The following KIF3C variants were observed in gnomAD, a reference collection of about 807,000 sequenced individuals.
The protein encoded by KIF3C is kinesin-like protein KIF3C.
A neutral mutation model predicts 67.7 loss-of-function variants in KIF3C; 12 were observed. That is an observed-to-expected ratio of 0.18 (90% CI 0.11 to 0.29). KIF3C has a LOEUF of 0.29. KIF3C is among the 10% of genes least tolerant of loss of function. The pLI, the probability that KIF3C is intolerant of heterozygous loss-of-function variation, is 1.00. For missense variants in KIF3C, 789 were observed against 1,059.6 expected (o/e 0.74, Z 3.55); for synonymous variants, 393 against 426.2 (o/e 0.92, Z 0.96).
intron 5 of KIF3C, chr2:25,934,254 G>A: frequency 2.2e-6 from 1 of 453,816 alleles, no homozygotes. Context: ...CTGCTAATTG[G>A]TTCAGGGTTT....
chr2:25,944,868 C>A (rs912832702), intron 5 of KIF3C, among the ~76,000 whole-genome samples: 2 of 152,110 alleles, frequency 1.3e-5, no homozygotes, highest in African/African-American at 2.4e-5. Context: ...CTGTGGCTCA[C>A]GCCTGTAATC....
intron 5 of KIF3C, among the ~76,000 whole-genome samples, chr2:25,939,625 T>G (rs1232028862): frequency 6.6e-6 from 1 of 152,154 alleles, no homozygotes; most frequent in Non-Finnish European, 1.5e-5. Flanking sequence ...CTTTCCTGAT[T>G]CTATTTATAG....
rs145795615 is a variant in KIF3C, at chr2:25,939,188, G to A, written c.2007-9125C>T. On this transcript the variant is annotated intron_variant, in intron 5 of 7. Coordinates refer to ENST00000264712, the MANE Select transcript of KIF3C (RefSeq NM_002254.8). ...TTGCCATGTTGGCCAGGCTGGTCTC[G>A]AACTCCTGGCCTGAAGTGATCCACC... Among the ~76,000 whole-genome samples, 960 of 152,186 alleles carry A rather than the reference G, an allele frequency of 6.3e-3. 12 individuals carry two copies. The highest frequency in any genetic ancestry group is 0.022 in the African/African-American group (916 of 41,526).
Position 25,980,996 on chromosome 2 carries a change from C to T in KIF3C, c.922G>A (p.Ala308Thr). The change falls in exon 1 of 8, where the codon GCG (alanine) becomes ACG (threonine). Residue 308 changes from alanine (A) to threonine (T), a missense_variant. Transcript: ENST00000264712. This position sits in a 1 kb window ranked among gnomAD's most constrained non-coding sequence, Gnocchi z 7.6. Reference protein sequence around the residue: ...SALGNVIAALAGNRSTHIPYR... With the variant: ...SALGNVIAALTGNRSTHIPYR... Reference sequence around the variant, plus strand: ...GGAATGTGGGTGCTCCTGTTGCCCGCCAGGGCAGCAATCACGTTGCCCAGG... The same window carrying T: ...GGAATGTGGGTGCTCCTGTTGCCCGTCAGGGCAGCAATCACGTTGCCCAGG... 1 of 1,614,204 alleles carries T rather than the reference C, an allele frequency of 6.2e-7. No individual in the cohort carries two copies. The highest frequency in any genetic ancestry group is 1.1e-5 in the South Asian group (1 of 91,084).
At position 25,955,458 on chromosome 2, in the gene KIF3C, A is replaced by C. The variant is rs1008881989; in HGVS notation, c.1770+83T>G. ...GTTCAGCAGTTCCAGCCAAATGGGG[A>C]GGAGTCCCTGAAGCACACATCCCTT... On this transcript the variant is annotated intron_variant, in intron 3 of 7. Transcript: ENST00000264712. The surrounding 1 kb of genome is among the most constrained non-coding windows in gnomAD (Gnocchi z 5.0). The C allele has an allele frequency of 2.2e-5, 34 of 1,518,250 alleles. No homozygotes were observed. The highest frequency in any genetic ancestry group is 3.0e-5 in the Non-Finnish European group (33 of 1,113,348). 94.0% of individuals were successfully genotyped at this position (1,518,250 alleles called of 1,614,324 possible). A position where few individuals can be genotyped will look rare whatever the true frequency, so the allele number is the denominator to read the frequency against.
chr2:25,938,670 C>T (rs545448805), intron 5 of KIF3C, among the ~76,000 whole-genome samples: 5 of 152,228 alleles, frequency 3.3e-5, no homozygotes, highest in Non-Finnish European at 5.9e-5. Flanking sequence ...ACCTTCCCAT[C>T]GGCTCCCTCT....
intron 5 of KIF3C, among the ~76,000 whole-genome samples, chr2:25,936,225 G>A (rs1663122039): frequency 6.6e-6 from 1 of 152,106 alleles, no homozygotes; most frequent in Admixed American, 6.6e-5. Flanking sequence ...ATTTTTTGTA[G>A]AGATGGGGTC....
intron 1 of KIF3C, among the ~76,000 whole-genome samples, chr2:25,961,757 C>T (rs1022577697): frequency 2.0e-5 from 3 of 152,124 alleles, no homozygotes; most frequent in African/African-American, 7.2e-5. Flanking sequence ...CTTACTGCAT[C>T]TCCAGAGACA....
In KIF3C at chr2:25,929,012, G is replaced by A. The variant is rs1574474826; in HGVS notation, c.2348C>T (p.Ser783Phe). ...STTHASLASA[S>F]LRPATVADHE ...GTCCGCCACTGTTGCAGGGCGCAGA[G>A]AAGCAGAGGCCAGGGAGGCATGTGT... The change falls in exon 8 of 8, where the codon TCT becomes TTT. Residue 783 changes from serine to phenylalanine, a missense_variant. Physicochemically the swap from Ser to Phe is radical, Grantham distance 155 (BLOSUM62 -2). Coordinates refer to ENST00000264712, the MANE Select transcript of KIF3C (RefSeq NM_002254.8). The A allele has an allele frequency of 6.2e-7, 1 of 1,613,884 alleles. No homozygotes were observed. The highest frequency in any genetic ancestry group is 1.1e-5 in the South Asian group (1 of 91,078).
rs1663785019 is a variant in KIF3C at position 25,955,585 on chromosome 2, A to T, written c.1726T>A (p.Ser576Thr). 6.2e-7 allele frequency: 1 copy of T among 1,613,924 alleles called. No homozygotes were observed. The highest frequency in any genetic ancestry group is 1.3e-5 in the African/African-American group (1 of 74,954). Reference sequence around the variant, plus strand: ...TTGACCTCCACCTCCTGCTGCAGGGATGTGTAGGTGCCCCGGAGCTCCATA... The same window carrying T: ...TTGACCTCCACCTCCTGCTGCAGGGTTGTGTAGGTGCCCCGGAGCTCCATA... ...ETMELRGTYT[S>T]LQQEVEVKTK... The change falls in exon 3 of 8, where the codon TCC becomes ACC. Residue 576 changes from serine (S) to threonine (T), a missense_variant. Ser to Thr is a moderately conservative substitution (Grantham distance 58). Around this residue, in one of 2 missense-constraint regions of KIF3C, gnomAD observed 648 missense variants for 807.8 expected, o/e 0.80. Coordinates refer to ENST00000264712, the MANE Select transcript of KIF3C (RefSeq NM_002254.8). This position sits in a 1 kb window ranked among gnomAD's most constrained non-coding sequence, Gnocchi z 5.0.
chr2:25,967,971 C>A lies in KIF3C; in HGVS notation c.1546-11527G>T, dbSNP rs1664187048. On this transcript the variant is annotated intron_variant, in intron 1 of 7. Transcript: ENST00000264712. Reference sequence around the variant, plus strand: ...CGGTATCTCATTGGTATTTTACCCACCACTTGCCACAAAAAGCAAAACCAA... The same window carrying A: ...CGGTATCTCATTGGTATTTTACCCAACACTTGCCACAAAAAGCAAAACCAA... 2.6e-5 allele frequency among the ~76,000 whole-genome samples: 4 copies of A among 152,184 alleles called. No homozygotes were observed. In the South Asian group the frequency reaches 8.3e-4, roughly 32 times the overall value.
intron 5 of KIF3C, among the ~76,000 whole-genome samples, chr2:25,950,168 A>C (rs936217765): frequency 6.6e-6 from 1 of 151,228 alleles, no homozygotes; most frequent in Non-Finnish European, 1.5e-5. Context: ...CTGGGATTAC[A>C]GGATTACAGG....
chr2:25,974,966 C>T (rs1482576724), intron 1 of KIF3C, among the ~76,000 whole-genome samples: 4 of 148,818 alleles, frequency 2.7e-5, no homozygotes, highest in East Asian at 2.0e-4. Context: ...GCAGAGGTTG[C>T]GGTGAGCCAA....
At position 25,946,890 on chromosome 2, in the gene KIF3C, C is replaced by T. The variant is rs190701794; in HGVS notation, c.2006+4899G>A. ...AAAGAAGGCTGGGCGCAGTGGCTCA[C>T]GCCTGTATCCCAGCACTTCGGGAGG... On this transcript the variant is annotated intron_variant, in intron 5 of 7. Transcript: ENST00000264712. 3.4e-4 allele frequency among the ~76,000 whole-genome samples: 51 copies of T among 151,824 alleles called. No homozygotes were observed. In the East Asian group the frequency reaches 7.6e-3, roughly 23 times the overall value.
chr2:25,950,742 C>A (rs1663586052), intron 5 of KIF3C, among the ~76,000 whole-genome samples: 1 of 152,108 alleles, frequency 6.6e-6, no homozygotes, highest in Non-Finnish European at 1.5e-5. Flanking sequence ...TTGAGAATCT[C>A]TACCTAGATT....
At chr2:25,934,157 C>G (rs2090485675) in intron 5 of KIF3C, 3 of 470,844 alleles carry the variant, frequency 6.4e-6, no homozygotes, top group East Asian at 6.9e-5. Context: ...CATAAAATAT[C>G]TGGAATAGGT....
At chr2:25,976,575 C>T (rs1217265677) in intron 1 of KIF3C, among the ~76,000 whole-genome samples, 3 of 152,086 alleles carry the variant, frequency 2.0e-5, no homozygotes, top group Non-Finnish European at 4.4e-5. Context: ...GCCTTGCCAA[C>T]CTCATGAAAC....
At chr2:25,941,682 C>T (rs909401822) in intron 5 of KIF3C, among the ~76,000 whole-genome samples, 1 of 152,022 alleles carries the variant, frequency 6.6e-6, no homozygotes, top group Non-Finnish European at 1.5e-5. Context: ...CACTTGAATC[C>T]AGGAGTTCAA....
At chr2:25,931,598 T>C (rs1051062629) in intron 5 of KIF3C, among the ~76,000 whole-genome samples, 14 of 152,212 alleles carry the variant, frequency 9.2e-5, no homozygotes, top group Non-Finnish European at 1.5e-5. Flanking sequence ...AAAGGACTGA[T>C]TGAAGGCTGA....
Sources: gnomAD v4.1 joint callset for allele counts (sites outside exome capture counted in the v4.1 genomes callset) on GRCh38, gnomAD v4.1.1 for gene constraint, gnomAD v4.1.1 regional missense constraint, Gnocchi (gnomAD v3.1) non-coding constraint, MANE v1.5 for transcripts, NCBI Gene and HGNC (gene_info 2026-07-23, HGNC 2026-07-21) for gene names.